The following HECTD4 variants were observed in gnomAD, a reference collection of about 807,000 sequenced individuals.
The protein encoded by HECTD4 is HECT domain E3 ubiquitin protein ligase 4.
HECTD4 carries 114 observed loss-of-function variants against 471.5 expected under a neutral mutation model. The observed-to-expected ratio is 0.24, with a 90% confidence interval of 0.21 to 0.28. HECTD4 has a LOEUF of 0.28. HECTD4 is among the 10% of genes least tolerant of loss of function. The pLI is 1.00. For missense variants in HECTD4, 3,866 were observed against 5,651.5 expected, an observed-to-expected ratio of 0.68 and a Z score of 10.13; for synonymous variants, 2,012 against 2,256.0, an observed-to-expected ratio of 0.89 and a Z score of 3.07.
chr12:112,275,188 T>C (rs1020802395), intron 9 of HECTD4, among the ~76,000 whole-genome samples: 5 of 152,256 alleles, frequency 3.3e-5, no homozygotes, highest in Non-Finnish European at 7.3e-5. Flanking sequence ...GTTTTCAAAG[T>C]GTTTTTAAAA....
chr12:112,231,984 A>G (rs898450664), intron 38 of HECTD4, among the ~76,000 whole-genome samples: 6 of 152,120 alleles, frequency 3.9e-5, no homozygotes, highest in African/African-American at 9.7e-5. Context: ...TTTTGCTTTT[A>G]TCAGTTATCA....
At chr12:112,241,737 G>A (rs1168032005) in intron 32 of HECTD4, among the ~76,000 whole-genome samples, 1 of 152,140 alleles carries the variant, frequency 6.6e-6, no homozygotes, top group Non-Finnish European at 1.5e-5. Context: ...TGGGATTATA[G>A]GTGTGAGACA....
At chr12:112,353,423 T>C (rs749149689) in intron 1 of HECTD4, among the ~76,000 whole-genome samples, 2 of 152,232 alleles carry the variant, frequency 1.3e-5, no homozygotes, top group South Asian at 2.1e-4. Flanking sequence ...ATTTCTCTTA[T>C]AGAAGAACAT....
chr12:112,230,242 T>C (rs896735475), intron 40 of HECTD4, among the ~76,000 whole-genome samples: 4 of 152,168 alleles, frequency 2.6e-5, no homozygotes, highest in South Asian at 2.1e-4. Flanking sequence ...AAAGGGGGAA[T>C]TGCTTACAGA....
chr12:112,198,670 G>A lies in HECTD4; in HGVS notation c.8567+1968C>T, dbSNP rs140704760. Among the ~76,000 whole-genome samples, 7 of 152,302 alleles carry A rather than the reference G, an allele frequency of 4.6e-5. No individual in the cohort carries two copies. In the East Asian group the frequency reaches 7.7e-4, roughly 17 times the overall value. ...CCTTCCAGATATGGGGAGGCCAGAGGCAGAGGAGATTTCAGGGAAAAATTC... is the reference window on the plus strand; with the variant it reads ...CCTTCCAGATATGGGGAGGCCAGAGACAGAGGAGATTTCAGGGAAAAATTC... On this transcript the variant is annotated intron_variant, in intron 55 of 75. Transcript: ENST00000682272.
rs760203506 is a variant in HECTD4, at chr12:112,230,744, G to C, written c.6279C>G (p.Ser2093Arg). The change falls in exon 40 of 76, where the codon AGC becomes AGG. Residue 2093 changes from serine (S) to arginine (R), a missense_variant. Ser to Arg is a moderately radical substitution (Grantham distance 110). Transcript: ENST00000682272. Reference sequence around the variant, plus strand: ...CATTTGATTCAGGTGCCATGAGCAAGCTATGTAGCAAGGCGATCACTTCTG... The same window carrying C: ...CATTTGATTCAGGTGCCATGAGCAACCTATGTAGCAAGGCGATCACTTCTG... ...MAAEVIALLH[S>R]LLMAPESNAA... is the part of the protein sequence containing the mutation. 2 of 1,611,144 alleles carry C rather than the reference G, an allele frequency of 1.2e-6. No homozygotes were observed. Among genetic ancestry groups the C allele is most frequent in the Admixed American group, 3.4e-5 (2 of 59,532 alleles).
chr12:112,348,620 C>T (rs1485380922), intron 1 of HECTD4, among the ~76,000 whole-genome samples: 1 of 151,996 alleles, frequency 6.6e-6, no homozygotes, highest in Non-Finnish European at 1.5e-5. Flanking sequence ...ATGAGCTGGA[C>T]ACAGTGGTGT....
At chr12:112,321,554 A>G (rs886410474) in intron 1 of HECTD4, among the ~76,000 whole-genome samples, 13 of 152,302 alleles carry the variant, frequency 8.5e-5, no homozygotes, top group African/African-American at 2.6e-4. Flanking sequence ...AAATTCTGCC[A>G]GGTCTTTGGC....
At chr12:112,353,461 T>G (rs574595608) in intron 1 of HECTD4, among the ~76,000 whole-genome samples, 1 of 152,346 alleles carries the variant, frequency 6.6e-6, no homozygotes, top group South Asian at 2.1e-4. Context: ...CAGCTTCGTA[T>G]TGTCTTTTAT....
intron 1 of HECTD4, among the ~76,000 whole-genome samples, chr12:112,364,521 G>A (rs1239431695): frequency 6.6e-6 from 1 of 152,128 alleles, no homozygotes; most frequent in Admixed American, 6.6e-5. Context: ...CTTCAGCCCA[G>A]GAGTTTGAGA....
chr12:112,208,578 A>G lies in HECTD4; in HGVS notation c.7920T>C (p.Asn2640=). Residue 2640 remains asparagine, a synonymous_variant, in exon 51 of 76, where the codon AAT becomes AAC. Coordinates refer to ENST00000682272, the MANE Select transcript of HECTD4 (RefSeq NM_001388303.1). ...CHYKVELSYE[N]FITSGPDPHP... Reference sequence around the variant, plus strand: ...GAGGGTCTGGGCCAGAGGTGATGAAATTCTCATAGCTGAGCTCGACTTTAT... The same window carrying G: ...GAGGGTCTGGGCCAGAGGTGATGAAGTTCTCATAGCTGAGCTCGACTTTAT... 1.2e-6 allele frequency: 2 copies of G among 1,608,128 alleles called. No homozygotes were observed. Among genetic ancestry groups the G allele is most frequent in the Non-Finnish European group, 1.7e-6 (2 of 1,178,192 alleles).
At chr12:112,226,378 A>G (rs2033237821) in intron 44 of HECTD4, 1 of 313,402 alleles carries the variant, frequency 3.2e-6, no homozygotes, top group South Asian at 1.2e-4. Context: ...TAAAGGCAAC[A>G]AATCAATAGG....
rs953225335 is a variant in HECTD4 at position 112,213,543 on chromosome 12, G to A, written c.7466-893C>T. ...CTACTAAAAATACAAAAATTTCGCC[G>A]GGCTAGGTGGCAGGCACCTGTAGTC... On this transcript the variant is annotated intron_variant, in intron 48 of 75. Coordinates refer to ENST00000682272, the MANE Select transcript of HECTD4 (RefSeq NM_001388303.1). This position sits in a 1 kb window ranked among gnomAD's most constrained non-coding sequence, Gnocchi z 4.0. Among the ~76,000 whole-genome samples, 6 of 151,630 alleles carry A rather than the reference G, an allele frequency of 4.0e-5. No individual in the cohort carries two copies. The East Asian group carries it at 1.2e-3, about 30-fold the overall frequency.
intron 7 of HECTD4, among the ~76,000 whole-genome samples, chr12:112,303,709 G>C (rs887829814): frequency 7.9e-5 from 12 of 151,776 alleles, no homozygotes; most frequent in Non-Finnish European, 1.6e-4. Context: ...AAATTAGCTG[G>C]GTGTGGTCAT....
chr12:112,269,672 A>C lies in HECTD4; in HGVS notation c.2321+32T>G, dbSNP rs1003082674. 3.7e-6 allele frequency: 6 copies of C among 1,611,124 alleles called. No homozygotes were observed. In the African/African-American group the frequency reaches 5.3e-5, roughly 14 times the overall value. On this transcript the variant is annotated intron_variant, in intron 13 of 75. Coordinates refer to ENST00000682272, the MANE Select transcript of HECTD4 (RefSeq NM_001388303.1). ...ATGCCTTGCAGAAGAATCATTTTGC[A>C]GAGAGCACTACAAAAATCATTAGCT...
chr12:112,345,812 G>A (rs556327900), intron 1 of HECTD4, among the ~76,000 whole-genome samples: 25 of 152,218 alleles, frequency 1.6e-4, no homozygotes, highest in Non-Finnish European at 2.5e-4. Flanking sequence ...GGAGAATGGC[G>A]TGAACCCGGG....
In HECTD4 at chr12:112,190,998, T is replaced by C. The variant is rs535301958; in HGVS notation, c.9293-33A>G. ...AAGCACCCAGGAAGAAAGCAGATGATTGGCAGCACCTGACCCAAATAAGCC... is the reference window on the plus strand; with the variant it reads ...AAGCACCCAGGAAGAAAGCAGATGACTGGCAGCACCTGACCCAAATAAGCC... On this transcript the variant is annotated intron_variant, in intron 59 of 75. Coordinates refer to ENST00000682272, the MANE Select transcript of HECTD4 (RefSeq NM_001388303.1). 20 of 1,521,776 alleles carry C rather than the reference T, an allele frequency of 1.3e-5. No homozygotes were observed. The East Asian group carries it at 3.4e-4, about 26-fold the overall frequency. The allele number at this position is 1,521,776 out of a possible 1,614,324, so 94.3% of individuals were successfully genotyped here. A position where few individuals can be genotyped will look rare whatever the true frequency, so the allele number is the denominator to read the frequency against.
In HECTD4 at chr12:112,279,351, G is replaced by A. The variant is rs761358962; in HGVS notation, c.1564C>T (p.Arg522Trp). ...TSCGLPLKML[R>W]KTPIYTCGTY... is the part of the protein sequence containing the mutation. The stretch of plus-strand genomic sequence containing the variant: ...CCACAGGTATATATGGGTGTCTTCC[G>A]CAGCATTTTTAGAGGCAGCCCACAG... The change falls in exon 9 of 76, where the codon CGG (arginine) becomes TGG (tryptophan). Residue 522 changes from arginine (R) to tryptophan (W), a missense_variant. Arg to Trp is a moderately radical substitution (Grantham distance 101). This residue lies in a region of HECTD4 where 525 missense variants were observed against 672.6 expected (regional missense o/e 0.78). Coordinates refer to ENST00000682272, the MANE Select transcript of HECTD4 (RefSeq NM_001388303.1). The A allele has an allele frequency of 5.6e-6, 9 of 1,605,964 alleles. No homozygotes were observed. The highest frequency in any genetic ancestry group is 1.7e-5 in the Admixed American group (1 of 57,224).
At chr12:112,236,089 T>C (rs1182294390) in intron 35 of HECTD4, among the ~76,000 whole-genome samples, 2 of 152,242 alleles carry the variant, frequency 1.3e-5, no homozygotes, top group Non-Finnish European at 1.5e-5. Context: ...GCTTTTCAGT[T>C]TGTCATTTAT....
Sources: gnomAD v4.1 joint callset for allele counts (sites outside exome capture counted in the v4.1 genomes callset) on GRCh38, gnomAD v4.1.1 for gene constraint, gnomAD v4.1.1 regional missense constraint, Gnocchi (gnomAD v3.1) non-coding constraint, MANE v1.5 for transcripts, NCBI Gene and HGNC (gene_info 2026-07-23, HGNC 2026-07-21) for gene names.